Variants in ADGRB3 observed in about 807,000 individuals in gnomAD.
ADGRB3 encodes the protein adhesion G protein-coupled receptor B3, also known as brain-specific angiogenesis inhibitor 3.
In ADGRB3, 37 loss-of-function variants were observed where a neutral mutation model predicts 193.4. That is an observed-to-expected ratio of 0.19 (90% CI 0.15 to 0.25). ADGRB3 has a LOEUF of 0.25. Ranked by LOEUF, ADGRB3 falls within the 10% of genes least tolerant of loss-of-function variation. The pLI is 1.00. For synonymous variants in ADGRB3, 690 were observed against 644.2 expected (o/e 1.07, Z -1.08); for missense variants, 1,637 against 1,852.9 (o/e 0.88, Z 2.14).
intron 17 of ADGRB3, among the ~76,000 whole-genome samples, chr6:69,088,362 T>TTTG (rs756093597): frequency 1.8e-4 from 27 of 152,174 alleles, no homozygotes; most frequent in East Asian, 3.9e-4. Flanking sequence ...TATGTGTTTC[T>TTTG]TTGTTGTTGT....
intron 20 of ADGRB3, among the ~76,000 whole-genome samples, chr6:69,322,175 A>C (rs1768469838): frequency 6.6e-6 from 1 of 151,942 alleles, no homozygotes; most frequent in South Asian, 2.1e-4. Context: ...CCTGCAAAGG[A>C]TATGATCTCA....
chr6:68,932,542 C>G (rs141920399), intron 4 of ADGRB3, among the ~76,000 whole-genome samples: 1 of 151,920 alleles, frequency 6.6e-6, no homozygotes, highest in African/African-American at 2.4e-5. Context: ...AGACTTTTAA[C>G]AGAAGACAAT....
At chr6:69,262,528 T>C (rs1015040070) in intron 20 of ADGRB3, among the ~76,000 whole-genome samples, 1 of 152,018 alleles carries the variant, frequency 6.6e-6, no homozygotes, top group Non-Finnish European at 1.5e-5. Context: ...CAAAAACCTA[T>C]CATTTATTGG....
chr6:68,848,926 T>C (rs1768342645), intron 3 of ADGRB3, among the ~76,000 whole-genome samples: 1 of 152,048 alleles, frequency 6.6e-6, no homozygotes, highest in South Asian at 2.1e-4. Context: ...ATTCAAAGAC[T>C]AACTTAATTT....
chr6:68,786,325 T>A (rs1766968744), intron 3 of ADGRB3, among the ~76,000 whole-genome samples: 1 of 152,172 alleles, frequency 6.6e-6, no homozygotes, highest in South Asian at 2.1e-4. Flanking sequence ...TGAATTAATT[T>A]TTGTATAAGG....
chr6:69,136,404 T>C (rs1213045489), intron 17 of ADGRB3, among the ~76,000 whole-genome samples: 1 of 152,216 alleles, frequency 6.6e-6, no homozygotes, highest in Non-Finnish European at 1.5e-5. Flanking sequence ...GCACTTAAAA[T>C]GTAAATAAGC....
chr6:69,056,237 T>C (rs1261378731), intron 15 of ADGRB3, among the ~76,000 whole-genome samples: 4 of 152,204 alleles, frequency 2.6e-5, no homozygotes, highest in African/African-American at 9.6e-5. Flanking sequence ...CATCTTTTTA[T>C]ATCCTTGTTG....
chr6:68,671,148 G>A (rs181900871), intron 3 of ADGRB3, among the ~76,000 whole-genome samples: 1 of 151,824 alleles, frequency 6.6e-6, no homozygotes, highest in East Asian at 1.9e-4. Flanking sequence ...AGTTCTAATT[G>A]TTTTCTGGGG....
chr6:68,828,187 C>CT (rs34629272), intron 3 of ADGRB3, among the ~76,000 whole-genome samples: 167 of 149,646 alleles, frequency 1.1e-3, no homozygotes, highest in Middle Eastern at 6.9e-3. Context: ...ATACAGGTGC[C>CT]TTTTTTTTTT....
chr6:69,273,139 G>C (rs1372848005), intron 20 of ADGRB3, among the ~76,000 whole-genome samples: 1 of 152,114 alleles, frequency 6.6e-6, no homozygotes, highest in African/African-American at 2.4e-5. Flanking sequence ...GACCTGAGGT[G>C]ATCCGCCCGC....
At chr6:68,659,506 A>G (rs1768573161) in intron 3 of ADGRB3, among the ~76,000 whole-genome samples, 1 of 150,922 alleles carries the variant, frequency 6.6e-6, no homozygotes, top group South Asian at 2.1e-4. Flanking sequence ...GCGAAGAAGC[A>G]TATTTCCCCA....
intron 3 of ADGRB3, among the ~76,000 whole-genome samples, chr6:68,909,766 G>T (rs1277222088): frequency 6.6e-6 from 1 of 152,150 alleles, no homozygotes; most frequent in Non-Finnish European, 1.5e-5. Flanking sequence ...CCTTCTGTAG[G>T]TAGATGCAGT....
At chr6:68,937,224 GAA>G (rs1491519713) in intron 5 of ADGRB3, among the ~76,000 whole-genome samples, 29 of 150,990 alleles carry the variant, frequency 1.9e-4, no homozygotes, top group African/African-American at 7.1e-4. Flanking sequence ...TAAACTTAAT[GAA>G]GAGAGAGAGA....
intron 16 of ADGRB3, among the ~76,000 whole-genome samples, chr6:69,074,736 G>A (rs1252335616): frequency 1.3e-5 from 2 of 151,794 alleles, no homozygotes; most frequent in African/African-American, 2.4e-5. Context: ...TAGTACAGAC[G>A]GGGTTTCACT....
chr6:69,275,987 T>C (rs1457244710), intron 20 of ADGRB3, among the ~76,000 whole-genome samples: 2 of 152,232 alleles, frequency 1.3e-5, no homozygotes, highest in Non-Finnish European at 1.5e-5. Flanking sequence ...CTTTAATTGC[T>C]GCATCTCCAT....
intron 13 of ADGRB3, among the ~76,000 whole-genome samples, chr6:69,036,894 C>A (rs972801965): frequency 6.6e-6 from 1 of 151,992 alleles, no homozygotes; most frequent in African/African-American, 2.4e-5. Context: ...TGAATTATTT[C>A]AAGTAAGAAA....
At chr6:69,152,574 A>G (rs906591220) in intron 17 of ADGRB3, among the ~76,000 whole-genome samples, 12 of 152,186 alleles carry the variant, frequency 7.9e-5, no homozygotes, top group Non-Finnish European at 1.5e-4. Flanking sequence ...AGCTAATTCT[A>G]TGTGTCCCAA....
At chr6:69,073,175 C>CT (rs1772127712) in intron 16 of ADGRB3, among the ~76,000 whole-genome samples, 1 of 152,050 alleles carries the variant, frequency 6.6e-6, no homozygotes, top group Non-Finnish European at 1.5e-5. Flanking sequence ...GGACTATGAC[C>CT]TTTTTTCAGG....
chr6:69,229,989 A>C (rs1766098487), intron 17 of ADGRB3, among the ~76,000 whole-genome samples: 1 of 152,156 alleles, frequency 6.6e-6, no homozygotes, highest in Non-Finnish European at 1.5e-5. Context: ...TAGCCAGGCT[A>C]ATATGGAGAA....
Sources: gnomAD v4.1 joint callset for allele counts (sites outside exome capture counted in the v4.1 genomes callset) on GRCh38, gnomAD v4.1.1 for gene constraint, MANE v1.5 for transcripts, NCBI Gene and HGNC (gene_info 2026-07-23, HGNC 2026-07-21) for gene names.